Variants in ESYT2 observed in about 807,000 individuals in gnomAD.
The protein encoded by ESYT2 is extended synaptotagmin-2.
ESYT2 carries 54 observed loss-of-function variants against 107.2 expected under a neutral mutation model. That is an observed-to-expected ratio of 0.50 (90% confidence interval 0.40 to 0.63). ESYT2 has a LOEUF of 0.63. Ranked by LOEUF, ESYT2 falls within the 30% of genes least tolerant of loss-of-function variation. The pLI is 0.00. For missense variants in ESYT2, 1,020 were observed against 1,094.5 expected (o/e 0.93, Z 0.96); for synonymous variants, 491 against 434.1 (o/e 1.13, Z -1.63).
At chr7:158,772,894 T>TAAAAAAAAAAAAAA in intron 7 of ESYT2, among the ~76,000 whole-genome samples, 1 of 142,018 alleles carries the variant, frequency 7.0e-6, no homozygotes, top group Non-Finnish European at 1.5e-5. Context: ...GAATAAAAGT[T>TAAAAAAAAAAAAAA]AAAAAAAAAA....
intron 1 of ESYT2, among the ~76,000 whole-genome samples, chr7:158,816,882 C>T (rs1471353973): frequency 2.6e-5 from 4 of 152,250 alleles, no homozygotes; most frequent in South Asian, 2.1e-4. Flanking sequence ...TTTGGAGTTT[C>T]GGTTTCAAAA....
intron 1 of ESYT2, among the ~76,000 whole-genome samples, chr7:158,823,577 T>C (rs1313241636): frequency 6.6e-6 from 1 of 152,020 alleles, no homozygotes; most frequent in Non-Finnish European, 1.5e-5. Context: ...CCACCTGCCT[T>C]GGCCTCCCAA....
chr7:158,793,447 T>C (rs2602552), intron 4 of ESYT2, among the ~76,000 whole-genome samples: 141,322 of 152,264 alleles, frequency 0.93, 65,685 homozygotes, highest in East Asian at 0.95. Flanking sequence ...TTATTTAACA[T>C]ATTTTATGAA....
chr7:158,787,619 A>G (rs1367567083), intron 6 of ESYT2, among the ~76,000 whole-genome samples: 3 of 152,188 alleles, frequency 2.0e-5, no homozygotes, highest in African/African-American at 7.2e-5. Context: ...GAAAAATAAG[A>G]CTTTCAAAAT....
chr7:158,813,910 G>C (rs896533930), intron 1 of ESYT2, among the ~76,000 whole-genome samples: 1 of 151,888 alleles, frequency 6.6e-6, no homozygotes, highest in African/African-American at 2.4e-5. Flanking sequence ...GACTCTCACA[G>C]ATCAAAAATG....
intron 19 of ESYT2, among the ~76,000 whole-genome samples, chr7:158,738,329 ACACACACACACACAGACACACACAC>A (rs1837049717): frequency 8.4e-4 from 71 of 84,810 alleles, no homozygotes; most frequent in Middle Eastern, 6.2e-3. Flanking sequence ...AAAAAAAAAT[ACACACACACACACAGACACACACAC>A]ACACACACAC....
intron 19 of ESYT2, among the ~76,000 whole-genome samples, chr7:158,738,354 C>A (rs570495664): frequency 1.1e-4 from 16 of 147,574 alleles, no homozygotes; most frequent in East Asian, 3.9e-4. Context: ...GACACACACA[C>A]ACACACACAC....
At chr7:158,738,785 G>C (rs1837079035) in intron 19 of ESYT2, among the ~76,000 whole-genome samples, 1 of 152,234 alleles carries the variant, frequency 6.6e-6, no homozygotes. Context: ...AAAAGGTACA[G>C]TAAAAATACA....
At position 158,761,503 on chromosome 7, in the gene ESYT2, A is replaced by G; in HGVS notation, c.1226T>C (p.Leu409Ser). Residue 409 changes from leucine (L) to serine (S), a missense_variant, in exon 11 of 23, where the codon TTA becomes TCA. Coordinates refer to ENST00000275418, the MANE Select transcript of ESYT2 (RefSeq NM_001367773.1). ...DLIEVEKERL[L>S]DEWFTLDEVP... ...CACTCCAGGGAAACTTACTTCATCT[A>G]AAAGGCGCTCCTTTTCAACTTCAAT... The G allele has an allele frequency of 6.2e-7, 1 of 1,614,024 alleles. No homozygotes were observed. Among genetic ancestry groups the G allele is most frequent in the Non-Finnish European group, 8.5e-7 (1 of 1,179,922 alleles).
rs187276913 is a variant in ESYT2, at chr7:158,746,088, G to T, written c.1644+2106C>A. 3.9e-5 allele frequency among the ~76,000 whole-genome samples: 6 copies of T among 152,198 alleles called. No homozygotes were observed. In the East Asian group the frequency reaches 1.2e-3, roughly 29 times the overall value. On this transcript the variant is annotated intron_variant, in intron 16 of 22. Coordinates refer to ENST00000275418, the MANE Select transcript of ESYT2 (RefSeq NM_001367773.1). ...TTGTAAGACTTATTAGGAAGAAGAA[G>T]AGAGAAGACAGGCCAGGCATGATGG...
At chr7:158,760,817 C>T (rs1438660639) in intron 11 of ESYT2, among the ~76,000 whole-genome samples, 1 of 152,122 alleles carries the variant, frequency 6.6e-6, no homozygotes, top group East Asian at 1.9e-4. Flanking sequence ...ATGATAGAAG[C>T]CATGGGCAGG....
intron 16 of ESYT2, chr7:158,743,995 AC>A (rs1837312354): frequency 4.5e-6 from 1 of 220,550 alleles, no homozygotes; most frequent in Non-Finnish European, 8.8e-6. Flanking sequence ...AATCGCTTGA[AC>A]CTGGGAGGAG....
intron 1 of ESYT2, among the ~76,000 whole-genome samples, chr7:158,814,859 G>T (rs1840105713): frequency 6.6e-6 from 1 of 152,294 alleles, no homozygotes; most frequent in South Asian, 2.1e-4. Flanking sequence ...GAGCGGAAAT[G>T]ACATGCAATT....
chr7:158,773,533 T>C (rs1838447649), intron 6 of ESYT2, 137 bp from the exon 7 acceptor site: 3 of 699,214 alleles, frequency 4.3e-6, no homozygotes, highest in Non-Finnish European at 6.9e-6. Context: ...CTTCGTAATA[T>C]ACCAAGGACA....
In ESYT2 at chr7:158,767,760, G is replaced by A. The variant is rs1563638521; in HGVS notation, c.818C>T (p.Thr273Ile). 1.9e-6 allele frequency: 3 copies of A among 1,612,344 alleles called. No individual in the cohort carries two copies. The South Asian group carries it at 3.3e-5, about 18-fold the overall frequency. ...GTTTGATATTATATCCAAAATGATA[G>A]TATCTGATAAACCACTGTTAGTTGG... The part of the protein sequence containing the change: ...DVPGLNGLSD[T>I]IILDIISNYL... The change falls in exon 8 of 23, where the codon ACT becomes ATT. Residue 273 changes from threonine to isoleucine, a missense_variant. Thr to Ile is a moderately conservative substitution (Grantham distance 89). Transcript: ENST00000275418.
At chr7:158,756,551 G>C (rs191227381) in intron 13 of ESYT2, among the ~76,000 whole-genome samples, 1 of 152,134 alleles carries the variant, frequency 6.6e-6, no homozygotes, top group African/African-American at 2.4e-5. Context: ...AAATGACTGA[G>C]AGTTGATTAC....
At chr7:158,743,809 G>T in intron 16 of ESYT2, 131 bp from the exon 17 acceptor site, 1 of 1,054,126 alleles carries the variant, frequency 9.5e-7, no homozygotes, top group Non-Finnish European at 1.3e-6. Context: ...GGCCAGGTGG[G>T]GTGGCTCACG....
In ESYT2 at chr7:158,739,029, G is replaced by A. The variant is rs1837090013; in HGVS notation, c.2261C>T (p.Ala754Val). The change falls in exon 19 of 23, where the codon GCC (alanine) becomes GTC (valine). Residue 754 changes from alanine (A) to valine (V), a missense_variant. By Grantham distance (64) the Ala-to-Val change is moderately conservative. Coordinates refer to ENST00000275418, the MANE Select transcript of ESYT2 (RefSeq NM_001367773.1). Reference sequence around the variant, plus strand: ...GTGGGACCCCAGCCCCCACCTGCAGGCATGCACGACCACGATAAGCTTGTT... The same window carrying A: ...GTGGGACCCCAGCCCCCACCTGCAGACATGCACGACCACGATAAGCTTGTT... ...QRNKLIVVVH[A>V]CRNLIAFSED... 1.9e-6 allele frequency: 3 copies of A among 1,613,812 alleles called. No individual in the cohort carries two copies. The highest frequency in any genetic ancestry group is 1.7e-5 in the Admixed American group (1 of 59,978).
chr7:158,796,078 C>T (rs962441210), intron 3 of ESYT2, among the ~76,000 whole-genome samples: 1 of 152,192 alleles, frequency 6.6e-6, no homozygotes, highest in African/African-American at 2.4e-5. Flanking sequence ...CCATGCCAGA[C>T]CCTCCCACAG....
Sources: gnomAD v4.1 joint callset for allele counts (sites outside exome capture counted in the v4.1 genomes callset) on GRCh38, gnomAD v4.1.1 for gene constraint, MANE v1.5 for transcripts, NCBI Gene and HGNC (gene_info 2026-07-23, HGNC 2026-07-21) for gene names.